Variants in ROBO2 observed in about 807,000 individuals in gnomAD.
The protein encoded by ROBO2 is roundabout homolog 2.
ROBO2 carries 53 observed loss-of-function variants against 160.8 expected under a neutral mutation model. The observed-to-expected ratio is 0.33, with a 90% CI of 0.26 to 0.41. ROBO2 has a LOEUF of 0.41. Ranked by LOEUF, ROBO2 falls within the 10% of genes least tolerant of loss-of-function variation. ROBO2 has a pLI of 1.00. For missense variants in ROBO2, 1,577 were observed against 1,722.4 expected, an observed-to-expected ratio of 0.92 and a Z score of 1.49; for synonymous variants, 664 against 611.7, an observed-to-expected ratio of 1.09 and a Z score of -1.26.
chr3:75,989,575 T>C (rs1464476294), intron 2 of ROBO2, among the ~76,000 whole-genome samples: 1 of 152,280 alleles, frequency 6.6e-6, no homozygotes, highest in Non-Finnish European at 1.5e-5. Flanking sequence ...AAAATAGAAG[T>C]AAATAACTTC....
chr3:76,131,830 G>T (rs779629317), intron 2 of ROBO2, among the ~76,000 whole-genome samples: 1 of 152,110 alleles, frequency 6.6e-6, no homozygotes, highest in African/African-American at 2.4e-5. Flanking sequence ...TAAGCACAAA[G>T]TTCTCTAAGT....
chr3:76,793,855 TG>T (rs1286746193), intron 2 of ROBO2, among the ~76,000 whole-genome samples: 1 of 151,970 alleles, frequency 6.6e-6, no homozygotes, highest in Non-Finnish European at 1.5e-5. Flanking sequence ...GCAAGTAATA[TG>T]TAGTGTTCTA....
intron 2 of ROBO2, among the ~76,000 whole-genome samples, chr3:77,271,464 G>A (rs2059484768): frequency 6.6e-6 from 1 of 152,180 alleles, no homozygotes; most frequent in Non-Finnish European, 1.5e-5. Context: ...AATTTGCCAA[G>A]CATTAGCCTA....
intron 2 of ROBO2, among the ~76,000 whole-genome samples, chr3:77,321,177 G>A (rs780496463): frequency 2.6e-5 from 4 of 152,152 alleles, no homozygotes; most frequent in South Asian, 2.1e-4. Context: ...ATAAAGTATC[G>A]CATAAATTTG....
At chr3:77,618,775 C>T (rs1222854052) in intron 22 of ROBO2, among the ~76,000 whole-genome samples, 1 of 152,152 alleles carries the variant, frequency 6.6e-6, no homozygotes, top group Non-Finnish European at 1.5e-5. Context: ...AGCCTCTTTT[C>T]TTAAGATATT....
At chr3:76,680,488 T>C (rs917006085) in intron 2 of ROBO2, among the ~76,000 whole-genome samples, 26 of 151,912 alleles carry the variant, frequency 1.7e-4, no homozygotes, top group African/African-American at 6.3e-4. Flanking sequence ...AATTTTAGAG[T>C]GATTAGGAAT....
chr3:76,267,953 G>A (rs1008165574), intron 2 of ROBO2, among the ~76,000 whole-genome samples: 4 of 152,082 alleles, frequency 2.6e-5, no homozygotes, highest in African/African-American at 4.8e-5. Context: ...TCCTCAGACC[G>A]TTCTGAGAAT....
At chr3:75,952,645 A>G (rs1338690652) in intron 2 of ROBO2, among the ~76,000 whole-genome samples, 1 of 151,978 alleles carries the variant, frequency 6.6e-6, no homozygotes, top group African/African-American at 2.4e-5. Context: ...ATTATTGACT[A>G]AAGTCTGTAG....
chr3:76,426,472 G>C (rs2108976690), intron 2 of ROBO2, among the ~76,000 whole-genome samples: 1 of 152,066 alleles, frequency 6.6e-6, no homozygotes, highest in Non-Finnish European at 1.5e-5. Context: ...GTTCATAGAT[G>C]GTAAGGAAGG....
At chr3:76,558,789 G>T (rs2083974849) in intron 2 of ROBO2, among the ~76,000 whole-genome samples, 1 of 152,060 alleles carries the variant, frequency 6.6e-6, no homozygotes, top group Non-Finnish European at 1.5e-5. Context: ...ATAGATATAG[G>T]CATATTGGTT....
intron 2 of ROBO2, among the ~76,000 whole-genome samples, chr3:76,356,712 C>T (rs984067586): frequency 6.6e-6 from 1 of 151,632 alleles, no homozygotes; most frequent in African/African-American, 2.4e-5. Context: ...TTTCACATAC[C>T]GTTTTTGTAT....
intron 2 of ROBO2, among the ~76,000 whole-genome samples, chr3:76,452,227 G>A (rs1182797823): frequency 1.3e-5 from 2 of 151,938 alleles, no homozygotes; most frequent in African/African-American, 4.8e-5. Flanking sequence ...TGCACAATGT[G>A]TAGGTTACTT....
intron 2 of ROBO2, among the ~76,000 whole-genome samples, chr3:76,472,531 T>C (rs1048916519): frequency 4.7e-4 from 71 of 152,140 alleles, no homozygotes; most frequent in African/African-American, 1.1e-3. Flanking sequence ...AGCCACGACA[T>C]TGATTTTAAA....
At chr3:77,293,721 A>T (rs1303384184) in intron 2 of ROBO2, among the ~76,000 whole-genome samples, 2 of 142,374 alleles carry the variant, frequency 1.4e-5, no homozygotes, top group African/African-American at 5.6e-5. Context: ...CATAAAGTAA[A>T]ATTGATGGTT....
At chr3:77,238,690 A>G (rs2088466798) in intron 2 of ROBO2, among the ~76,000 whole-genome samples, 1 of 152,180 alleles carries the variant, frequency 6.6e-6, no homozygotes, top group African/African-American at 2.4e-5. Context: ...TACTTTCCTA[A>G]TACTATGGTA....
At chr3:75,949,924 C>T (rs536891469) in intron 2 of ROBO2, among the ~76,000 whole-genome samples, 1 of 151,964 alleles carries the variant, frequency 6.6e-6, no homozygotes, top group Non-Finnish European at 1.5e-5. Flanking sequence ...AAATCATTTG[C>T]AAACAAATGG....
rs576468457 is a variant in ROBO2 at position 77,270,384 on chromosome 3, G to A, written c.388+172044G>A. Among the ~76,000 whole-genome samples, 22 of 152,064 alleles carry A rather than the reference G, an allele frequency of 1.4e-4. No homozygotes were observed. The South Asian group carries it at 1.9e-3, about 13-fold the overall frequency. ...ATTCAGAAACATTCAATTATAATTC[G>A]CCTCTTAAAGTCATATAACTATCTG... is the stretch of plus-strand genomic sequence containing the variant. On this transcript the variant is annotated intron_variant, in intron 2 of 25. Coordinates refer to ENST00000461745, the Ensembl canonical transcript of ROBO2.
intron 2 of ROBO2, among the ~76,000 whole-genome samples, chr3:76,402,485 C>T (rs1258113124): frequency 6.6e-6 from 1 of 151,556 alleles, no homozygotes; most frequent in Non-Finnish European, 1.5e-5. Flanking sequence ...AACTTATGGG[C>T]TTAAATGACA....
intron 2 of ROBO2, among the ~76,000 whole-genome samples, chr3:76,445,302 T>C (rs2077122941): frequency 6.6e-6 from 1 of 152,174 alleles, no homozygotes; most frequent in South Asian, 2.1e-4. Flanking sequence ...AAGTGTGTAT[T>C]TTCTAACTTC....
Sources: gnomAD v4.1 joint callset for allele counts (sites outside exome capture counted in the v4.1 genomes callset) on GRCh38, gnomAD v4.1.1 for gene constraint, MANE v1.5 for transcripts, NCBI Gene and HGNC (gene_info 2026-07-23, HGNC 2026-07-21) for gene names.